FOXN3: variants seen among roughly 807,000 people sequenced by gnomAD.
FOXN3 encodes the protein forkhead box protein N3.
Under a neutral mutation model 38.4 loss-of-function variants are expected in FOXN3, and 7 were observed. The observed-to-expected ratio is 0.18, with a 90% CI of 0.10 to 0.34. FOXN3 has a LOEUF of 0.34. Ranked by LOEUF, FOXN3 falls within the 10% of genes least tolerant of loss-of-function variation. The pLI, the probability that FOXN3 is intolerant of heterozygous loss-of-function variation, is 1.00. For synonymous variants in FOXN3, 230 were observed against 242.2 expected (o/e 0.95, Z 0.47); for missense variants, 456 against 613.4 (o/e 0.74, Z 2.71).
chr14:89,471,370 G>A (rs1042827646), intron 1 of FOXN3, among the ~76,000 whole-genome samples: 5 of 152,184 alleles, frequency 3.3e-5, no homozygotes, highest in Non-Finnish European at 5.9e-5. Flanking sequence ...GGGAGGCCAA[G>A]GTGGATGGAT....
At chr14:89,335,346 CAA>C (rs1168486038) in intron 3 of FOXN3, among the ~76,000 whole-genome samples, 3 of 152,212 alleles carry the variant, frequency 2.0e-5, no homozygotes, top group Non-Finnish European at 4.4e-5. Context: ...TTGAGTCTCT[CAA>C]ACTGAGTGTC....
chr14:89,488,047 G>A (rs1382897700), intron 1 of FOXN3, among the ~76,000 whole-genome samples: 1 of 151,880 alleles, frequency 6.6e-6, no homozygotes, highest in Non-Finnish European at 1.5e-5. Context: ...AGTGAGACAA[G>A]GTTACTTCCA....
At chr14:89,461,991 A>G (rs1315590730) in intron 1 of FOXN3, among the ~76,000 whole-genome samples, 1 of 152,212 alleles carries the variant, frequency 6.6e-6, no homozygotes, top group Non-Finnish European at 1.5e-5. Flanking sequence ...AGCTAGTAAA[A>G]TCAGATTTGT....
Position 89,323,500 on chromosome 14 carries a change from C to T in FOXN3, c.680+27172G>A, listed in dbSNP as rs184356238. Among the ~76,000 whole-genome samples the T allele has an allele frequency of 1.7e-4, 26 of 151,980 alleles. 1 individual carries two copies. The East Asian group carries it at 4.9e-3, about 29-fold the overall frequency. On this transcript the variant is annotated intron_variant, in intron 3 of 5. Coordinates refer to ENST00000557258, the MANE Select transcript of FOXN3 (RefSeq NM_005197.4). ...CTTTGGGAGGCCAAGGTGGGTGGAT[C>T]ACGAGGTCAGGAGTTTGAGACCAGC...
intron 4 of FOXN3, among the ~76,000 whole-genome samples, chr14:89,211,186 G>A (rs1213001654): frequency 6.6e-6 from 1 of 152,230 alleles, no homozygotes; most frequent in Non-Finnish European, 1.5e-5. Flanking sequence ...TTTTACTTCT[G>A]GAGGGACCTG....
At chr14:89,584,766 G>A (rs894835177) in intron 1 of FOXN3, among the ~76,000 whole-genome samples, 2 of 151,744 alleles carry the variant, frequency 1.3e-5, no homozygotes, top group Non-Finnish European at 2.9e-5. Flanking sequence ...AGGCTGGAGA[G>A]CAAAGGCACA....
chr14:89,244,308 G>T (rs934008877), intron 4 of FOXN3, among the ~76,000 whole-genome samples: 1 of 152,112 alleles, frequency 6.6e-6, no homozygotes, highest in African/African-American at 2.4e-5. Flanking sequence ...AATAATGCAG[G>T]AACCTTCAAA....
At chr14:89,300,522 G>A (rs1050173236) in intron 3 of FOXN3, among the ~76,000 whole-genome samples, 1 of 152,108 alleles carries the variant, frequency 6.6e-6, no homozygotes, top group Admixed American at 6.6e-5. Flanking sequence ...TGACAGTCTG[G>A]CTCCCGGTAC....
At chr14:89,200,108 A>C (rs1888198922) in intron 4 of FOXN3, among the ~76,000 whole-genome samples, 1 of 152,088 alleles carries the variant, frequency 6.6e-6, no homozygotes, top group Non-Finnish European at 1.5e-5. Context: ...ACAAACACAC[A>C]CATCTCCAAG....
chr14:89,315,320 C>T (rs758002055), intron 3 of FOXN3, among the ~76,000 whole-genome samples: 2 of 152,034 alleles, frequency 1.3e-5, no homozygotes, highest in African/African-American at 4.8e-5. Context: ...CAAATAATTG[C>T]TAAATAAAAT....
At chr14:89,615,062 T>C (rs962238585) in intron 1 of FOXN3, among the ~76,000 whole-genome samples, 1 of 152,180 alleles carries the variant, frequency 6.6e-6, no homozygotes, top group African/African-American at 2.4e-5. Context: ...AGTTAAAATT[T>C]GTTTTTCTCA....
In FOXN3 at chr14:89,408,360, C is replaced by T. The variant is rs1444733863; in HGVS notation, c.543+3574G>A. On this transcript the variant is annotated intron_variant, in intron 2 of 5. Coordinates refer to ENST00000557258, the MANE Select transcript of FOXN3 (RefSeq NM_005197.4). ...GCAACCTCCACCTCCCGGGCTCACACCATCCTTCCATCTCAGCCTCCTGAG... is the reference window on the plus strand; with the variant it reads ...GCAACCTCCACCTCCCGGGCTCACATCATCCTTCCATCTCAGCCTCCTGAG... Among the ~76,000 whole-genome samples the T allele has an allele frequency of 5.9e-5, 9 of 152,030 alleles. No homozygotes were observed. The East Asian group carries it at 1.5e-3, about 26-fold the overall frequency.
chr14:89,513,849 C>T (rs911849969), intron 1 of FOXN3, among the ~76,000 whole-genome samples: 3 of 151,866 alleles, frequency 2.0e-5, no homozygotes, highest in African/African-American at 7.3e-5. Flanking sequence ...ATCTCAAAAC[C>T]CTATCCACTG....
At chr14:89,167,002 C>T (rs1235373311) in intron 5 of FOXN3, among the ~76,000 whole-genome samples, 7 of 152,214 alleles carry the variant, frequency 4.6e-5, no homozygotes, top group African/African-American at 1.7e-4. Context: ...ACATGTGATA[C>T]ATCCGAAATG....
chr14:89,373,775 A>G (rs1890391435), intron 2 of FOXN3, among the ~76,000 whole-genome samples: 1 of 152,182 alleles, frequency 6.6e-6, no homozygotes. Flanking sequence ...GTCACTACAT[A>G]TACTTTTTAA....
intron 3 of FOXN3, among the ~76,000 whole-genome samples, chr14:89,288,068 A>AAT (rs869049120): frequency 7.7e-5 from 5 of 65,154 alleles, no homozygotes; most frequent in Non-Finnish European, 1.7e-4. Flanking sequence ...CTCAAAAAAA[A>AAT]ATATATATAT....
intron 4 of FOXN3, among the ~76,000 whole-genome samples, chr14:89,237,299 C>T (rs55738168): frequency 5.9e-5 from 9 of 152,096 alleles, no homozygotes; most frequent in African/African-American, 2.2e-4. Flanking sequence ...TCATTAAATA[C>T]CTTCAGAATG....
At chr14:89,564,823 T>C (rs2139884825) in intron 1 of FOXN3, among the ~76,000 whole-genome samples, 1 of 152,248 alleles carries the variant, frequency 6.6e-6, no homozygotes, top group African/African-American at 2.4e-5. Context: ...AAGATGGCAG[T>C]GGCTCATGCC....
chr14:89,169,608 A>G (rs1887336051), intron 5 of FOXN3, among the ~76,000 whole-genome samples: 1 of 152,112 alleles, frequency 6.6e-6, no homozygotes, highest in South Asian at 2.1e-4. Flanking sequence ...TAGCATATCA[A>G]TTGGGAGGTG....
Sources: allele counts gnomAD v4.1 joint callset (sites outside exome capture counted in the v4.1 genomes callset), GRCh38; gene constraint gnomAD v4.1.1; transcripts MANE v1.5; gene names NCBI Gene and HGNC (gene_info 2026-07-23, HGNC 2026-07-21).